Variants in PSTPIP1 observed in about 807,000 individuals in gnomAD.
PSTPIP1 encodes proline-serine-threonine phosphatase-interacting protein 1.
PSTPIP1 carries 66 observed loss-of-function variants against 69.6 expected under a neutral mutation model. The observed-to-expected ratio is 0.95, with a 90% confidence interval of 0.78 to 1.16. PSTPIP1 has a LOEUF of 1.16. PSTPIP1 is among the 50% of genes most tolerant of loss of function. The pLI is 0.00. For synonymous variants in PSTPIP1, 266 were observed against 222.7 expected, an observed-to-expected ratio of 1.19 and a Z score of -1.73; for missense variants, 603 against 557.4, an observed-to-expected ratio of 1.08 and a Z score of -0.82.
intron 7 of PSTPIP1, among the ~76,000 whole-genome samples, chr15:77,029,152 T>C (rs943940127): frequency 6.6e-6 from 1 of 152,040 alleles, no homozygotes; most frequent in Non-Finnish European, 1.5e-5. Flanking sequence ...AACACATCAC[T>C]CATTGCACAG....
In PSTPIP1 at chr15:77,028,607, C is replaced by G; in HGVS notation, c.471C>G (p.Ala157=). 3.1e-6 allele frequency: 5 copies of G among 1,599,278 alleles called. No individual in the cohort carries two copies. Among genetic ancestry groups the G allele is most frequent in the Non-Finnish European group, 4.3e-6 (5 of 1,173,880 alleles). The change falls in exon 7 of 15, where the codon GCC becomes GCG. Residue 157 remains alanine (A), a synonymous_variant. Transcript: ENST00000558012. ...KCRDADDAEQ[A]FERISANGHQ... is the part of the protein sequence containing the mutation. ...GGGACGCGGACGACGCGGAGCAGGC[C>G]TTCGAGCGCATTAGCGCCAACGGCC... is the stretch of plus-strand genomic sequence containing the variant.
Position 77,027,891 on chromosome 15 carries a change from T to C in PSTPIP1, c.394T>C (p.Ser132Pro), listed in dbSNP as rs1313927175. Reference protein sequence around the residue: ...VMDRVQKSKLSLYKKAMESKK... With the variant: ...VMDRVQKSKLPLYKKAMESKK... ...GGACCGGGTCCAGAAGAGCAAGCTG[T>C]CGCTCTACAAGAAGGCCATGGAGGT... Residue 132 changes from serine (S) to proline (P), a missense_variant, in exon 6 of 15, where the codon TCG (serine) becomes CCG (proline). By Grantham distance (74) the Ser-to-Pro change is moderately conservative. Transcript: ENST00000558012. This position sits in a 1 kb window ranked among gnomAD's most constrained non-coding sequence, Gnocchi z 4.3. 6.4e-7 allele frequency: 1 copy of C among 1,568,380 alleles called. No homozygotes were observed. The highest frequency in any genetic ancestry group is 2.4e-5 in the East Asian group (1 of 42,018).
At chr15:77,024,145 G>C (rs2076222144) in intron 3 of PSTPIP1, 1 of 152,272 alleles carries the variant, frequency 6.6e-6, no homozygotes, top group Non-Finnish European at 1.5e-5. Flanking sequence ...CAGCGCTTGG[G>C]GCCGGGCCCC....
Position 77,035,952 on chromosome 15 carries a change from C to T in PSTPIP1, c.1119+17C>T. 1 of 1,577,020 alleles carries T rather than the reference C, an allele frequency of 6.3e-7. No individual in the cohort carries two copies. The highest frequency in any genetic ancestry group is 8.6e-7 in the Non-Finnish European group (1 of 1,163,378). The stretch of plus-strand genomic sequence containing the variant: ...ACAGCGCAGGTGAGGCCTCTATACC[C>T]CAAACCCACCTGTGCCACCTCCCCT... On this transcript the variant is annotated intron_variant, in intron 14 of 14. Transcript: ENST00000558012.
rs150395070 is a variant in PSTPIP1, at chr15:77,019,451, G to T, written c.212+920G>T. Reference sequence around the variant, plus strand: ...GAACTGAATGTGCCATACTCTGAAGGTCCCCCAAAGACACCAGGCACCCTG... The same window carrying T: ...GAACTGAATGTGCCATACTCTGAAGTTCCCCCAAAGACACCAGGCACCCTG... On this transcript the variant is annotated intron_variant, in intron 3 of 14. Coordinates refer to ENST00000558012, the MANE Select transcript of PSTPIP1 (RefSeq NM_003978.5). 8.7e-4 allele frequency among the ~76,000 whole-genome samples: 133 copies of T among 152,196 alleles called. 1 individual carries two copies. The highest frequency in any genetic ancestry group is 3.4e-3 in the Middle Eastern group (1 of 294).
rs746522552 is a variant in PSTPIP1 at position 77,025,274 on chromosome 15, T to G, written c.213-10T>G. The G allele has an allele frequency of 3.7e-6, 6 of 1,607,900 alleles. No homozygotes were observed. Among genetic ancestry groups the G allele is most frequent in the Non-Finnish European group, 5.1e-6 (6 of 1,174,494 alleles). On this transcript the variant is annotated splice_polypyrimidine_tract_variant and intron_variant, in intron 3 of 14. Coordinates refer to ENST00000558012, the MANE Select transcript of PSTPIP1 (RefSeq NM_003978.5). ...CTCCTCCTCCTGACCTGGACCCATC[T>G]GTTTTGCAGCTCCCTGAGGGCCTCC...
At chr15:77,000,440 A>C (rs2075675055) in intron 1 of PSTPIP1, among the ~76,000 whole-genome samples, 1 of 146,714 alleles carries the variant, frequency 6.8e-6, no homozygotes. Flanking sequence ...CACCTGTTCC[A>C]TCCTGGGCAT....
At chr15:77,020,793 A>G (rs1396058534) in intron 3 of PSTPIP1, among the ~76,000 whole-genome samples, 2 of 148,924 alleles carry the variant, frequency 1.3e-5, no homozygotes. Flanking sequence ...ACCCCTCCCC[A>G]TGCCAACCTG....
rs538133422 is a variant in PSTPIP1, at chr15:77,032,817, G to T, written c.839-45G>T. ...CAGCTGAGTCTGGCAGGGCCAGAATGGGGTGTTGGGGGCCGCCCTGGGGCT... is the reference window on the plus strand; with the variant it reads ...CAGCTGAGTCTGGCAGGGCCAGAATTGGGTGTTGGGGGCCGCCCTGGGGCT... On this transcript the variant is annotated intron_variant, in intron 11 of 14. Coordinates refer to ENST00000558012, the MANE Select transcript of PSTPIP1 (RefSeq NM_003978.5). 1.1e-5 allele frequency: 16 copies of T among 1,494,530 alleles called. No homozygotes were observed. In the African/African-American group the frequency reaches 2.2e-4, roughly 21 times the overall value. The allele number at this position is 1,494,530 out of a possible 1,614,324, so 92.6% of individuals were successfully genotyped here.
At chr15:77,034,297 C>A (rs1457856620) in intron 12 of PSTPIP1, among the ~76,000 whole-genome samples, 1 of 152,194 alleles carries the variant, frequency 6.6e-6, no homozygotes, top group Non-Finnish European at 1.5e-5. Context: ...CTGGCTTGCA[C>A]CCTGTCCTTT....
chr15:77,025,221 A>G, intron 3 of PSTPIP1, 63 bp from the exon 4 acceptor site: 1 of 1,531,720 alleles, frequency 6.5e-7, no homozygotes, highest in Admixed American at 1.7e-5. Flanking sequence ...GCCGGGAGGC[A>G]GCCTGGACTG....
rs375865116 is a variant in PSTPIP1 at position 77,013,414 on chromosome 15, T to G, written c.37-4734T>G. 7.2e-3 allele frequency among the ~76,000 whole-genome samples: 1,087 copies of G among 151,700 alleles called. 7 individuals are homozygous for G. Among genetic ancestry groups the G allele is most frequent in the African/African-American group, 0.024 (974 of 41,268 alleles). On this transcript the variant is annotated intron_variant, in intron 1 of 14. Transcript: ENST00000558012. ...TGCCTCTGGGGTCTCCATGGGGGGG[T>G]GGTGGGGCACAGGCCGTGACTGTAA...
chr15:77,004,737 G>A (rs1192038515), intron 1 of PSTPIP1, among the ~76,000 whole-genome samples: 1 of 151,684 alleles, frequency 6.6e-6, no homozygotes, highest in African/African-American at 2.4e-5. Context: ...GTGCACACCT[G>A]TAGTCTCAGC....
chr15:77,013,609 TG>T (rs142915442), intron 1 of PSTPIP1, among the ~76,000 whole-genome samples: 101 of 152,308 alleles, frequency 6.6e-4, no homozygotes, highest in African/African-American at 2.4e-3. Context: ...CCTCTCCCGT[TG>T]CACCCAATAG....
chr15:77,025,420 G>GCC (rs36044191), intron 4 of PSTPIP1, 78 bp from the exon 5 acceptor site: 11 of 1,580,696 alleles, frequency 7.0e-6, no homozygotes, highest in Non-Finnish European at 9.6e-6. Flanking sequence ...GGCTGGGCTG[G>GCC]CCCACACGGG....
At position 77,007,826 on chromosome 15, in the gene PSTPIP1, C is replaced by T. The variant is rs745709150; in HGVS notation, c.37-10322C>T. The T allele has an allele frequency of 1.9e-4, 84 of 444,816 alleles. 1 individual carries two copies. The highest frequency in any genetic ancestry group is 1.4e-3 in the Middle Eastern group (3 of 2,170). The allele number at this position is 444,816 out of a possible 1,614,324, so 27.6% of individuals were successfully genotyped here. A position where few individuals can be genotyped will look rare whatever the true frequency, so the allele number is the denominator to read the frequency against. ...AGCCAGGATGGTCTCGATCTCCTGA[C>T]CTCGTGATCTGCCCGTCTAGGCCTC... On this transcript the variant is annotated intron_variant, in intron 1 of 14. Transcript: ENST00000558012.
chr15:77,032,023 C>T (rs1314813726), intron 10 of PSTPIP1, among the ~76,000 whole-genome samples: 1 of 152,244 alleles, frequency 6.6e-6, no homozygotes, highest in East Asian at 1.9e-4. Context: ...GCAAGTCACT[C>T]TCCTCTGAGT....
intron 5 of PSTPIP1, chr15:77,026,194 G>A: frequency 2.2e-6 from 1 of 456,064 alleles, no homozygotes; most frequent in South Asian, 1.5e-5. Context: ...GAGGCTGGCA[G>A]ATGCTTGTCA....
intron 13 of PSTPIP1, 22 bp from the exon 14 acceptor site, chr15:77,035,780 C>T (rs763085932): frequency 6.3e-7 from 1 of 1,599,056 alleles, no homozygotes. Context: ...GGGGAGGGGT[C>T]TATGTCTCAC....
Sources: allele counts gnomAD v4.1 joint callset (sites outside exome capture counted in the v4.1 genomes callset), GRCh38; gene constraint gnomAD v4.1.1; non-coding constraint Gnocchi (gnomAD v3.1); transcripts MANE v1.5; gene names NCBI Gene and HGNC (gene_info 2026-07-23, HGNC 2026-07-21).